Variants in PCDH9 observed in about 807,000 individuals in gnomAD.
PCDH9 encodes protocadherin 9, also known as protocadherin-9.
PCDH9 carries 24 observed loss-of-function variants against 70.6 expected under a neutral mutation model. That is an observed-to-expected ratio of 0.34 (90% CI 0.25 to 0.48). The LOEUF (loss-of-function observed/expected upper bound fraction) is 0.48. Ranked by LOEUF, PCDH9 falls within the 20% of genes least tolerant of loss-of-function variation. PCDH9 has a pLI of 0.99. For missense variants in PCDH9, 1,281 were observed against 1,503.6 expected (o/e 0.85, Z 2.45); for synonymous variants, 562 against 558.5 (o/e 1.01, Z -0.09).
chr13:66,911,459 T>C (rs2139620134), intron 2 of PCDH9, among the ~76,000 whole-genome samples: 1 of 152,314 alleles, frequency 6.6e-6, no homozygotes, highest in East Asian at 1.9e-4. Flanking sequence ...AAAACCATTT[T>C]TATGAGAATC....
intron 4 of PCDH9, among the ~76,000 whole-genome samples, chr13:66,527,903 A>G (rs1960282893): frequency 6.6e-6 from 1 of 152,100 alleles, no homozygotes; most frequent in African/African-American, 2.4e-5. Context: ...CTGTAATCCC[A>G]GCTACTTGGG....
At chr13:67,186,852 A>G (rs2088772995) in intron 2 of PCDH9, among the ~76,000 whole-genome samples, 1 of 152,162 alleles carries the variant, frequency 6.6e-6, no homozygotes, top group Non-Finnish European at 1.5e-5. Context: ...TGGAAAATTC[A>G]TGGGCTTTAT....
chr13:66,464,550 T>C (rs978806056), intron 4 of PCDH9, among the ~76,000 whole-genome samples: 1 of 151,950 alleles, frequency 6.6e-6, no homozygotes, highest in African/African-American at 2.4e-5. Flanking sequence ...CAGAGTACAG[T>C]GTGCTCAACC....
intron 4 of PCDH9, among the ~76,000 whole-genome samples, chr13:66,544,082 C>G (rs1961078747): frequency 6.6e-6 from 1 of 152,140 alleles, no homozygotes; most frequent in South Asian, 2.1e-4. Flanking sequence ...TATTTTCTTC[C>G]TATCTGATAT....
intron 4 of PCDH9, among the ~76,000 whole-genome samples, chr13:66,374,576 G>A (rs1254221731): frequency 2.6e-5 from 4 of 151,676 alleles, no homozygotes; most frequent in Non-Finnish European, 5.9e-5. Context: ...TTTTTTAAAT[G>A]AGGACGTTGT....
chr13:67,020,005 G>A (rs2084643827), intron 2 of PCDH9, among the ~76,000 whole-genome samples: 1 of 152,134 alleles, frequency 6.6e-6, no homozygotes, highest in South Asian at 2.1e-4. Context: ...ATTATTTTAT[G>A]TTTGATGGAC....
intron 3 of PCDH9, among the ~76,000 whole-genome samples, chr13:66,853,248 T>C (rs2081343781): frequency 6.6e-6 from 1 of 150,840 alleles, no homozygotes; most frequent in Admixed American, 6.7e-5. Context: ...ATATACCAGT[T>C]AAGTAGTAGC....
At chr13:66,930,645 C>A (rs1286863115) in intron 2 of PCDH9, among the ~76,000 whole-genome samples, 1 of 151,900 alleles carries the variant, frequency 6.6e-6, no homozygotes, top group Non-Finnish European at 1.5e-5. Flanking sequence ...TCATTAATTC[C>A]TTTGGAGGGG....
At position 66,534,352 on chromosome 13, in the gene PCDH9, A is replaced by T. The variant is rs978926896; in HGVS notation, c.3340+96858T>A. 2.6e-5 allele frequency among the ~76,000 whole-genome samples: 4 copies of T among 152,280 alleles called. 1 individual carries two copies. Among genetic ancestry groups the T allele is most frequent in the Admixed American group, 2.6e-4 (4 of 15,272 alleles). On this transcript the variant is annotated intron_variant, in intron 4 of 4. Transcript: ENST00000377865. The stretch of plus-strand genomic sequence containing the variant: ...TAAACAACTGAAATTTATTTCTCAC[A>T]GTTCTGAAGGCTGAAAGTCTGAGAT...
chr13:66,687,743 T>TAA (rs1403795963), intron 3 of PCDH9, among the ~76,000 whole-genome samples: 2 of 152,118 alleles, frequency 1.3e-5, no homozygotes, highest in African/African-American at 4.8e-5. Context: ...CATCCATATC[T>TAA]ACTGACACCA....
intron 3 of PCDH9, among the ~76,000 whole-genome samples, chr13:66,650,240 A>G (rs1489512346): frequency 6.6e-6 from 1 of 151,976 alleles, no homozygotes. Context: ...CAATAAACAC[A>G]CGTCACCTAT....
rs2138383575 is a variant in PCDH9 at position 67,150,364 on chromosome 13, A to T, written c.3036+75041T>A. On this transcript the variant is annotated intron_variant, in intron 2 of 4. Transcript: ENST00000377865. ...TAATTTGAGTTTTAATCAATACAAA[A>T]AGCCCAAAGTGTTGGTTTCCATACA... Among the ~76,000 whole-genome samples, 3 of 152,302 alleles carry T rather than the reference A, an allele frequency of 2.0e-5. 1 individual carries two copies. In the South Asian group the frequency reaches 6.2e-4, roughly 32 times the overall value.
chr13:66,399,047 A>C (rs1957147524), intron 4 of PCDH9, among the ~76,000 whole-genome samples: 1 of 152,126 alleles, frequency 6.6e-6, no homozygotes, highest in Non-Finnish European at 1.5e-5. Context: ...AAAATAGTGG[A>C]CTGGAAACTA....
chr13:66,767,647 A>G (rs2079739359), intron 3 of PCDH9, among the ~76,000 whole-genome samples: 2 of 152,072 alleles, frequency 1.3e-5, no homozygotes, highest in African/African-American at 4.8e-5. Context: ...GGTTCCTGTA[A>G]CTTTTTTCTA....
intron 2 of PCDH9, among the ~76,000 whole-genome samples, chr13:66,962,205 TAA>T (rs370033972): frequency 4.7e-4 from 72 of 152,278 alleles, no homozygotes; most frequent in African/African-American, 1.7e-3. Flanking sequence ...CTTTGATGAA[TAA>T]AGTTTGGTGA....
intron 3 of PCDH9, among the ~76,000 whole-genome samples, chr13:66,708,720 T>C (rs573748530): frequency 6.6e-6 from 1 of 152,300 alleles, no homozygotes; most frequent in East Asian, 1.9e-4. Context: ...ACAGACACTG[T>C]TTTCAGTGAT....
Position 66,322,125 on chromosome 13 carries a change from T to G in PCDH9, c.3341-17097A>C, listed in dbSNP as rs1442119001. 2.6e-5 allele frequency among the ~76,000 whole-genome samples: 4 copies of G among 151,984 alleles called. No homozygotes were observed. In the East Asian group the frequency reaches 7.7e-4, roughly 29 times the overall value. On this transcript the variant is annotated intron_variant, in intron 4 of 4. Transcript: ENST00000377865. ...GCTAAATTGGTGTCACATTATGGTT[T>G]GCTGTTTTCTTGAAGGACATGCTAG...
At chr13:67,166,186 A>G (rs1205689328) in intron 2 of PCDH9, among the ~76,000 whole-genome samples, 1 of 152,140 alleles carries the variant, frequency 6.6e-6, no homozygotes, top group East Asian at 1.9e-4. Flanking sequence ...CTGGCTTCTT[A>G]CCCTGTTTTA....
chr13:66,451,710 A>C (rs138097597), intron 4 of PCDH9, among the ~76,000 whole-genome samples: 77 of 152,296 alleles, frequency 5.1e-4, no homozygotes, highest in Admixed American at 5.0e-3. Context: ...CAGGACTAAA[A>C]ATCAAGTGTT....
Sources: allele counts gnomAD v4.1 joint callset (sites outside exome capture counted in the v4.1 genomes callset), GRCh38; gene constraint gnomAD v4.1.1; transcripts MANE v1.5; gene names NCBI Gene and HGNC (gene_info 2026-07-23, HGNC 2026-07-21).